The following VCAM1 variants were observed in gnomAD, a reference collection of about 807,000 sequenced individuals.
The protein encoded by VCAM1 is vascular cell adhesion molecule 1, also known as vascular cell adhesion protein 1.
A neutral mutation model predicts 63.8 loss-of-function variants in VCAM1; 41 were observed. The ratio of observed to expected loss-of-function variants is 0.64; its 90% CI spans 0.50 to 0.83. The LOEUF is 0.83. Ranked by LOEUF, VCAM1 falls within the 40% of genes least tolerant of loss-of-function variation. The probability of loss-of-function intolerance (pLI) is 0.00; values close to 1 mark genes in which losing one functional copy is unlikely to be tolerated. For synonymous variants in VCAM1, 338 were observed against 320.7 expected (o/e 1.05, Z -0.58); for missense variants, 798 against 875.5 (o/e 0.91, Z 1.12).
chr1:100,722,928 C>T (rs1001248516), intron 2 of VCAM1, 92 bp from the exon 3 acceptor site: 89 of 1,376,928 alleles, frequency 6.5e-5, no homozygotes, highest in Middle Eastern at 3.7e-4. Flanking sequence ...TTAACAAAAA[C>T]GCTAGACTTG....
Position 100,720,592 on chromosome 1 carries a change from AC to A in VCAM1, c.184del (p.Gln62ArgfsTer2). ...TGAGTCCCCATTTTTCTCTTGGAGA[AC>A]CCAGATAGATAGTCCACTGAATGGG... Reference protein sequence around the residue: ...GCESPFFSWRTQIDSPLNGKV... With the variant: ...GCESPFFSWRXQIDSPLNGKV... On this transcript the variant is annotated frameshift_variant, in exon 2 of 9. Transcript: ENST00000294728. LOFTEE classifies it high-confidence loss of function. 6.2e-7 allele frequency: 1 copy of A among 1,613,156 alleles called. No homozygotes were observed. Among genetic ancestry groups the A allele is most frequent in the Non-Finnish European group, 8.5e-7 (1 of 1,179,480 alleles).
At position 100,731,323 on chromosome 1, in the gene VCAM1, G is replaced by T. The variant is rs199572921; in HGVS notation, c.1330G>T (p.Glu444Ter). 1 of 1,613,830 alleles carries T rather than the reference G, an allele frequency of 6.2e-7. No homozygotes were observed. The highest frequency in any genetic ancestry group is 2.2e-5 in the East Asian group (1 of 44,864). ...DRLEIELLKG[E>*]TILENIEFLE... ...GCTGGAGATTGAATTACTTAAGGGG[G>T]AGACTATTCTGGAGAATATAGAGTT... Residue 444 changes from glutamate (E) to a stop codon, truncating the protein, a stop_gained, in exon 6 of 9, where the codon GAG becomes TAG. Transcript: ENST00000294728. LOFTEE classifies it high-confidence loss of function. The surrounding 1 kb of genome is among the most constrained non-coding windows in gnomAD (Gnocchi z 4.2).
chr1:100,720,863 G>C, intron 2 of VCAM1, 112 bp downstream of exon 2: 1 of 1,281,414 alleles, frequency 7.8e-7, no homozygotes, highest in Non-Finnish European at 1.0e-6. Flanking sequence ...CAGATTCTTG[G>C]CTAAAGAACA....
chr1:100,728,715 A>AATATATATATATATATATATATATAT (rs35811606), intron 4 of VCAM1, among the ~76,000 whole-genome samples: 1 of 145,014 alleles, frequency 6.9e-6, no homozygotes, highest in African/African-American at 2.6e-5. Context: ...ATTAAATGAG[A>AATATATATATATATATATATATATAT]ATATATATAT....
In VCAM1 at chr1:100,738,295, T is replaced by TA; in HGVS notation, c.*13dup. On this transcript the variant is annotated 3_prime_UTR_variant, in exon 9 of 9. Coordinates refer to ENST00000294728, the MANE Select transcript of VCAM1 (RefSeq NM_001078.4). ...AGTCAAAAGTGTAGCTAATGCTTGA[T>TA]ATGTTCAACTGGAGACACTATTTAT... 1 of 1,611,586 alleles carries TA rather than the reference T, an allele frequency of 6.2e-7. No homozygotes were observed. The highest frequency in any genetic ancestry group is 1.1e-5 in the South Asian group (1 of 90,646).
In VCAM1 at chr1:100,723,086, A is replaced by G; in HGVS notation, c.407A>G (p.Lys136Arg). 1 of 1,612,996 alleles carries G rather than the reference A, an allele frequency of 6.2e-7. No homozygotes were observed. The highest frequency in any genetic ancestry group is 8.5e-7 in the Non-Finnish European group (1 of 1,179,410). ...PLEAGKPITV[K>R]CSVADVYPFD... ...GAGGCTGGGAAGCCGATCACAGTCA[A>G]GTGTTCAGTTGCTGATGTATACCCA... The change falls in exon 3 of 9, where the codon AAG becomes AGG. Residue 136 changes from lysine to arginine, a missense_variant. Physicochemically the swap from Lys to Arg is conservative, Grantham distance 26. Transcript: ENST00000294728.
In VCAM1 at chr1:100,732,632, A is replaced by G. The variant is rs1232982471; in HGVS notation, c.1740A>G (p.Glu580=). 1.2e-6 allele frequency: 2 copies of G among 1,611,216 alleles called. No homozygotes were observed. Among genetic ancestry groups the G allele is most frequent in the Admixed American group, 1.7e-5 (1 of 59,452 alleles). Residue 580 remains glutamate (E), a synonymous_variant, in exon 7 of 9, where the codon GAA becomes GAG. Coordinates refer to ENST00000294728, the MANE Select transcript of VCAM1 (RefSeq NM_001078.4). ...AAGATTCTGGGGTTTATTTATGTGA[A>G]GGAATTAACCAGGCTGGAAGAAGCA... The part of the protein sequence containing the change: ...KMEDSGVYLC[E]GINQAGRSRK...
chr1:100,734,539 T>C lies in VCAM1; in HGVS notation c.1830T>C (p.Ser610=), dbSNP rs1557907762. The C allele has an allele frequency of 6.2e-7, 1 of 1,613,738 alleles. No homozygotes were observed. Among genetic ancestry groups the C allele is most frequent in the South Asian group, 1.1e-5 (1 of 91,046 alleles). The part of the protein sequence containing the change: ...PKDIKLTAFP[S]ESVKEGDTVI... ...ACATAAAACTTACAGCTTTTCCTTC[T>C]GAGAGTGTCAAAGAAGGAGACACTG... is the stretch of plus-strand genomic sequence containing the variant. Residue 610 remains serine, a synonymous_variant, in exon 8 of 9, where the codon TCT becomes TCC. Transcript: ENST00000294728.
chr1:100,719,808 A>G lies in VCAM1; in HGVS notation c.-53A>G, dbSNP rs1399845025. 19 of 1,588,362 alleles carry G rather than the reference A, an allele frequency of 1.2e-5. No homozygotes were observed. Among genetic ancestry groups the G allele is most frequent in the Admixed American group, 1.2e-4 (7 of 59,138 alleles). ...ACCCTCCCAGGCACACACAGGTGGG[A>G]CACAAATAAGGGTTTTGGAACCACT... On this transcript the variant is annotated 5_prime_UTR_variant, in exon 1 of 9. Transcript: ENST00000294728.
chr1:100,731,440 T>C lies in VCAM1; in HGVS notation c.1447T>C (p.Cys483Arg). The change falls in exon 6 of 9, where the codon TGT (cysteine) becomes CGT (arginine). Residue 483 changes from cysteine (C) to arginine (R), a missense_variant. Transcript: ENST00000294728. This position sits in a 1 kb window ranked among gnomAD's most constrained non-coding sequence, Gnocchi z 4.2. ...TIEDTGKALV[C>R]QAKLHIDDME... The stretch of plus-strand genomic sequence containing the variant: ...TGAAGATACTGGAAAAGCTCTTGTT[T>C]GTCAGGCTAAGTTACATATTGATGA... 1 of 1,613,808 alleles carries C rather than the reference T, an allele frequency of 6.2e-7. No homozygotes were observed. The highest frequency in any genetic ancestry group is 8.5e-7 in the Non-Finnish European group (1 of 1,179,844).
chr1:100,736,367 T>C (rs1660649444), intron 8 of VCAM1: 1 of 152,222 alleles, frequency 6.6e-6, no homozygotes, highest in Admixed American at 6.5e-5. Context: ...ACTAGATTTC[T>C]TTTGCATTTG....
Position 100,731,620 on chromosome 1 carries a change from A to G in VCAM1, c.1525+102A>G, listed in dbSNP as rs997694596. On this transcript the variant is annotated intron_variant, in intron 6 of 8. Transcript: ENST00000294728. The surrounding 1 kb of genome is among the most constrained non-coding windows in gnomAD (Gnocchi z 4.2). ...GTTAATCGTTAAAACCTCTGTGGAG[A>G]AAAAACGTTACTGAAAAGAAATTTC... The G allele has an allele frequency of 4.5e-6, 5 of 1,121,016 alleles. No homozygotes were observed. Among genetic ancestry groups the G allele is most frequent in the Non-Finnish European group, 5.0e-6 (4 of 799,872 alleles). 69.4% of individuals were successfully genotyped at this position (1,121,016 alleles called of 1,614,324 possible).
chr1:100,733,244 G>A (rs1022149405), intron 7 of VCAM1, among the ~76,000 whole-genome samples: 6 of 152,294 alleles, frequency 3.9e-5, no homozygotes, highest in South Asian at 4.2e-4. Context: ...GGAGACCCAA[G>A]ATTGAGAACA....
chr1:100,726,079 G>A (rs1042118820), intron 4 of VCAM1, among the ~76,000 whole-genome samples: 3 of 151,856 alleles, frequency 2.0e-5, no homozygotes, highest in Non-Finnish European at 4.4e-5. Flanking sequence ...CCCAGCCTCT[G>A]GTAACCACCA....
Position 100,738,909 on chromosome 1 carries a change from A to G in VCAM1, c.*626A>G, listed in dbSNP as rs1660754786. The G allele has an allele frequency of 6.6e-6, 1 of 152,186 alleles. No individual in the cohort carries two copies. The highest frequency in any genetic ancestry group is 1.5e-5 in the Non-Finnish European group (1 of 68,028). 9.4% of individuals were successfully genotyped at this position (152,186 alleles called of 1,614,324 possible). A position where few individuals can be genotyped will look rare whatever the true frequency, so the allele number is the denominator to read the frequency against. ...TCTGTATAGTACTGGCATGGTACGG[A>G]GATGTTTCACGAAGTTTGTTCATCA... On this transcript the variant is annotated 3_prime_UTR_variant, in exon 9 of 9. Coordinates refer to ENST00000294728, the MANE Select transcript of VCAM1 (RefSeq NM_001078.4).
At chr1:100,722,899 C>A in intron 2 of VCAM1, 121 bp from the exon 3 acceptor site, 1 of 1,115,606 alleles carries the variant, frequency 9.0e-7, no homozygotes, top group Non-Finnish European at 1.2e-6. Context: ...TCAAACAGTT[C>A]TGTCGTATTA....
In VCAM1 at chr1:100,723,265, C is replaced by G; in HGVS notation, c.586C>G (p.Arg196Gly). The part of the protein sequence containing the change: ...IEDIGKVLVC[R>G]AKLHIDEMDS... The stretch of plus-strand genomic sequence containing the variant: ...GGATATTGGAAAAGTTCTTGTTTGC[C>G]GAGCTAAATTACACATTGATGAAAT... The change falls in exon 3 of 9, where the codon CGA (arginine) becomes GGA (glycine). Residue 196 changes from arginine (R) to glycine (G), a missense_variant. Coordinates refer to ENST00000294728, the MANE Select transcript of VCAM1 (RefSeq NM_001078.4). 6.2e-7 allele frequency: 1 copy of G among 1,612,942 alleles called. No individual in the cohort carries two copies. Among genetic ancestry groups the G allele is most frequent in the Middle Eastern group, 1.7e-4 (1 of 6,050 alleles).
intron 5 of VCAM1, among the ~76,000 whole-genome samples, chr1:100,730,143 A>G (rs1235337323): frequency 1.3e-5 from 2 of 152,132 alleles, no homozygotes; most frequent in Non-Finnish European, 2.9e-5. Context: ...TCAAGAGAAC[A>G]TATCGTAGAG....
chr1:100,734,524 T>TA lies in VCAM1; in HGVS notation c.1816dup (p.Thr606AsnfsTer6). On this transcript the variant is annotated frameshift_variant, in exon 8 of 9. Coordinates refer to ENST00000294728, the MANE Select transcript of VCAM1 (RefSeq NM_001078.4). LOFTEE classifies it high-confidence loss of function. ...CAGTTACTCCAAAAGACATAAAACT[T>TA]ACAGCTTTTCCTTCTGAGAGTGTCA... is the stretch of plus-strand genomic sequence containing the variant. The TA allele has an allele frequency of 6.2e-7, 1 of 1,613,224 alleles. No homozygotes were observed.
Sources: allele counts gnomAD v4.1 joint callset (sites outside exome capture counted in the v4.1 genomes callset), GRCh38; gene constraint gnomAD v4.1.1; non-coding constraint Gnocchi (gnomAD v3.1); transcripts MANE v1.5; gene names NCBI Gene and HGNC (gene_info 2026-07-23, HGNC 2026-07-21).